Variants in TBX20 observed in about 807,000 individuals in gnomAD.
The protein encoded by TBX20 is T-box transcription factor TBX20.
In TBX20, 8 loss-of-function variants were observed where a neutral mutation model predicts 42.9. That is an observed-to-expected ratio of 0.19 (90% CI 0.11 to 0.34). TBX20 has a LOEUF of 0.34. Ranked by LOEUF, TBX20 falls within the 10% of genes least tolerant of loss-of-function variation. TBX20 has a pLI of 1.00. For synonymous variants in TBX20, 198 were observed against 222.8 expected (o/e 0.89, Z 0.99); for missense variants, 411 against 566.0 (o/e 0.73, Z 2.78).
At chr7:35,252,515 T>A (rs569940846) in intron 1 of TBX20, among the ~76,000 whole-genome samples, 1 of 151,736 alleles carries the variant, frequency 6.6e-6, no homozygotes, top group African/African-American at 2.4e-5. Context: ...AACACTTCCT[T>A]TTTTTCATGT....
Position 35,227,996 on chromosome 7 carries a change from C to T in TBX20, c.890+3508G>A, listed in dbSNP as rs1388182958. Among the ~76,000 whole-genome samples the T allele has an allele frequency of 3.3e-5, 5 of 151,920 alleles. No homozygotes were observed. In the East Asian group the frequency reaches 5.8e-4, roughly 18 times the overall value. On this transcript the variant is annotated intron_variant, in intron 6 of 7. Coordinates refer to ENST00000408931, the MANE Select transcript of TBX20 (RefSeq NM_001077653.2). ...TATATTTTAACACAATTTCTAAAAC[C>T]TCCATTGCATGATTATGAATTTTAT...
chr7:35,238,770 C>T (rs563768236), intron 5 of TBX20, among the ~76,000 whole-genome samples: 44 of 152,284 alleles, frequency 2.9e-4, no homozygotes, highest in Middle Eastern at 3.4e-3. Context: ...CTGAATGTTT[C>T]CACTCCTGTG....
chr7:35,240,907 G>C lies in TBX20; in HGVS notation c.785C>G (p.Thr262Arg), dbSNP rs747369702. The C allele has an allele frequency of 6.2e-7, 1 of 1,613,824 alleles. No individual in the cohort carries two copies. Among genetic ancestry groups the C allele is most frequent in the Admixed American group, 1.7e-5 (1 of 60,020 alleles). The change falls in exon 5 of 8, where the codon ACG becomes AGG. Residue 262 changes from threonine to arginine, a missense_variant. This residue lies in a region of TBX20 where 121 missense variants were observed against 165.9 expected (regional missense o/e 0.73). Transcript: ENST00000408931. ...RTFIFPETVF[T>R]AVTAYQNQLI... ...TTGATTCTGGTAGGCAGTGACTGCC[G>C]TAAAAACTGTTTCTGGAAAGATGAA...
chr7:35,235,890 A>G (rs1789956491), intron 5 of TBX20, among the ~76,000 whole-genome samples: 2 of 152,186 alleles, frequency 1.3e-5, no homozygotes, highest in Admixed American at 6.5e-5. Context: ...ATTGGCCCTC[A>G]GAGACCATTT....
chr7:35,235,477 A>T (rs1286546782), intron 5 of TBX20, among the ~76,000 whole-genome samples: 1 of 152,200 alleles, frequency 6.6e-6, no homozygotes, highest in Non-Finnish European at 1.5e-5. Context: ...CAGCTACCAA[A>T]CATTGTATGT....
At chr7:35,204,605 A>G (rs760555105) in intron 6 of TBX20, 23 bp from the exon 7 acceptor site, 10 of 1,562,974 alleles carry the variant, frequency 6.4e-6, no homozygotes, top group Admixed American at 3.3e-5. Flanking sequence ...GACATATCAC[A>G]GGTTAAGTAA....
chr7:35,222,315 T>C (rs996145035), intron 6 of TBX20, among the ~76,000 whole-genome samples: 2 of 152,192 alleles, frequency 1.3e-5, no homozygotes, highest in African/African-American at 4.8e-5. Flanking sequence ...TGGCCATTAT[T>C]GTTAATAATA....
chr7:35,210,516 T>C (rs1789478712), intron 6 of TBX20, among the ~76,000 whole-genome samples: 1 of 152,222 alleles, frequency 6.6e-6, no homozygotes, highest in African/African-American at 2.4e-5. Context: ...ACTTGCTCTA[T>C]CAATTATTAA....
chr7:35,243,424 C>A (rs1790120307), intron 4 of TBX20, among the ~76,000 whole-genome samples: 1 of 152,118 alleles, frequency 6.6e-6, no homozygotes, highest in Non-Finnish European at 1.5e-5. Flanking sequence ...CCCAACGAAG[C>A]TGATGCTAAA....
intron 6 of TBX20, among the ~76,000 whole-genome samples, chr7:35,226,746 G>A (rs529740421): frequency 5.3e-5 from 8 of 151,994 alleles, no homozygotes; most frequent in Admixed American, 3.9e-4. Context: ...TGTTACTCAC[G>A]TTTGTATAAA....
chr7:35,241,596 C>A (rs767507392), intron 4 of TBX20, among the ~76,000 whole-genome samples: 34 of 152,288 alleles, frequency 2.2e-4, no homozygotes, highest in Admixed American at 3.3e-4. Flanking sequence ...ACAGTACTAA[C>A]CTTGTAGGGC....
rs1485115468 is a variant in TBX20 at position 35,248,674 on chromosome 7, A to G, written c.545+3T>C. The G allele has an allele frequency of 1.2e-6, 2 of 1,614,174 alleles. No individual in the cohort carries two copies. Among genetic ancestry groups the G allele is most frequent in the East Asian group, 4.5e-5 (2 of 44,864 alleles). ...TCTCAGTGAAAAATCTGGAGGCACG[A>G]ACCTGGCTGGCAACGGCGGGTCGGC... On this transcript the variant is annotated splice_donor_region_variant and intron_variant, in intron 3 of 7. Transcript: ENST00000408931.
Position 35,209,576 on chromosome 7 carries a change from G to A in TBX20, c.891-4994C>T, listed in dbSNP as rs145805499. On this transcript the variant is annotated intron_variant, in intron 6 of 7. Transcript: ENST00000408931. ...TTCCCTTATTTTCTTGGTCAGTTTG[G>A]CCACCAAATGGTCAATTTTATTAAT... 4.6e-3 allele frequency among the ~76,000 whole-genome samples: 704 copies of A among 151,862 alleles called. 6 individuals carry two copies. Among genetic ancestry groups the A allele is most frequent in the African/African-American group, 0.016 (665 of 41,406 alleles).
rs553463841 is a variant in TBX20, at chr7:35,240,870, T to C, written c.813+9A>G. The C allele has an allele frequency of 3.7e-6, 6 of 1,613,168 alleles. No homozygotes were observed. The highest frequency in any genetic ancestry group is 2.2e-5 in the East Asian group (1 of 44,868). ...TATGCAGGAACTAAATTGTGAACTG[T>C]ACACTCACCAGTTGATTCTGGTAGG... On this transcript the variant is annotated intron_variant, in intron 5 of 7. Transcript: ENST00000408931.
intron 5 of TBX20, 51 bp downstream of exon 5, chr7:35,240,828 C>T (rs369147698): frequency 1.0e-4 from 157 of 1,537,656 alleles, no homozygotes; most frequent in Middle Eastern, 3.4e-4. Flanking sequence ...ATATAAGAAC[C>T]TCCTAAATCC....
Position 35,248,725 on chromosome 7 carries a change from C to A in TBX20, c.497G>T (p.Arg166Leu). ...CTTGCCAGCCACCAGCCAGGAGGAC[C>A]GGTGGTAGGCGTAGCGGTACCTCTT... The part of the protein sequence containing the change: ...DNKRYRYAYH[R>L]SSWLVAGKAD... The change falls in exon 3 of 8, where the codon CGG (arginine) becomes CTG (leucine). Residue 166 changes from arginine to leucine, a missense_variant. Coordinates refer to ENST00000408931, the MANE Select transcript of TBX20 (RefSeq NM_001077653.2). 1 of 1,614,170 alleles carries A rather than the reference C, an allele frequency of 6.2e-7. No homozygotes were observed. The highest frequency in any genetic ancestry group is 8.5e-7 in the Non-Finnish European group (1 of 1,180,042).
rs1237524195 is a variant in TBX20, at chr7:35,253,945, C to G, written c.-325G>C. The G allele has an allele frequency of 3.2e-6, 1 of 313,488 alleles. No homozygotes were observed. The highest frequency in any genetic ancestry group is 2.2e-5 in the African/African-American group (1 of 46,356). 19.4% of individuals were successfully genotyped at this position (313,488 alleles called of 1,614,324 possible). ...CGAAGGCGGAAACGAGCATCAACTG[C>G]ACAAAGTCCTGGGGTCCTGGAGCAT... On this transcript the variant is annotated 5_prime_UTR_variant, in exon 1 of 8. Transcript: ENST00000408931.
intron 7 of TBX20, among the ~76,000 whole-genome samples, chr7:35,204,234 T>TA (rs151163936): frequency 5.8e-4 from 86 of 147,450 alleles, no homozygotes; most frequent in Non-Finnish European, 7.4e-4. Flanking sequence ...TTCTTTCACT[T>TA]AAAAAAAAAA....
chr7:35,244,579 T>TAG (rs753087110), intron 4 of TBX20, among the ~76,000 whole-genome samples: 7 of 152,222 alleles, frequency 4.6e-5, no homozygotes, highest in Non-Finnish European at 7.3e-5. Flanking sequence ...TAAGTTTTAT[T>TAG]ATCTGCTATG....
Sources: allele counts gnomAD v4.1 joint callset (sites outside exome capture counted in the v4.1 genomes callset), GRCh38; gene constraint gnomAD v4.1.1; regional missense constraint gnomAD v4.1.1; transcripts MANE v1.5; gene names NCBI Gene and HGNC (gene_info 2026-07-23, HGNC 2026-07-21).